Variants in C12orf60 observed in about 807,000 individuals in gnomAD.
C12orf60 encodes chromosome 12 open reading frame 60.
For missense variants in C12orf60, 284 were observed against 283.2 expected (o/e 1.00, Z -0.02); for synonymous variants, 102 against 94.6 (o/e 1.08, Z -0.45).
intron 1 of C12orf60, among the ~76,000 whole-genome samples, chr12:14,810,116 A>G (rs948779125): frequency 6.6e-6 from 1 of 152,224 alleles, no homozygotes; most frequent in Admixed American, 6.5e-5. Flanking sequence ...CTTATAATGA[A>G]AAAGGACTTT....
intron 1 of C12orf60, among the ~76,000 whole-genome samples, chr12:14,822,563 A>G (rs1370482571): frequency 6.6e-6 from 1 of 152,302 alleles, no homozygotes; most frequent in East Asian, 1.9e-4. Flanking sequence ...GAGCCCCTCT[A>G]TGTAATTTGT....
At chr12:14,810,959 A>G (rs941881338) in intron 1 of C12orf60, among the ~76,000 whole-genome samples, 1 of 152,236 alleles carries the variant, frequency 6.6e-6, no homozygotes, top group African/African-American at 2.4e-5. Context: ...AACAACCCAT[A>G]ATATTGTGCC....
intron 1 of C12orf60, chr12:14,814,201 A>G (rs1464511509): frequency 6.6e-6 from 1 of 152,074 alleles, no homozygotes; most frequent in Non-Finnish European, 1.5e-5. Flanking sequence ...ATCTGGTTTC[A>G]TCTGGATATT....
intron 1 of C12orf60, among the ~76,000 whole-genome samples, chr12:14,822,466 G>A (rs1950321763): frequency 1.3e-5 from 2 of 152,132 alleles, no homozygotes; most frequent in African/African-American, 2.4e-5. Context: ...ATCTGATAGT[G>A]ATTTTATATA....
Position 14,822,921 on chromosome 12 carries a change from T to A in C12orf60, c.-15T>A, listed in dbSNP as rs1950327947. ...CTGCTTTGCTTTGCAGTGTTGGAACTTATTTGTTGGAGAAATGTCTTCAGA... is the reference window on the plus strand; with the variant it reads ...CTGCTTTGCTTTGCAGTGTTGGAACATATTTGTTGGAGAAATGTCTTCAGA... On this transcript the variant is annotated 5_prime_UTR_variant, in exon 2 of 2. Transcript: ENST00000330828. 1.3e-6 allele frequency: 2 copies of A among 1,549,680 alleles called. No individual in the cohort carries two copies. The highest frequency in any genetic ancestry group is 2.8e-5 in the African/African-American group (2 of 72,426).
At position 14,810,160 on chromosome 12, in the gene C12orf60, T is replaced by C. The variant is rs199719804; in HGVS notation, c.-25+6409T>C. Among the ~76,000 whole-genome samples the C allele has an allele frequency of 4.6e-5, 7 of 152,338 alleles. No individual in the cohort carries two copies. In the East Asian group the frequency reaches 1.3e-3, roughly 29 times the overall value. ...GTCAGACTTACCTTCCTAGCTTTTT[T>C]CCTTGGGTGGGGAGTGGGGAGGGTT... On this transcript the variant is annotated intron_variant, in intron 1 of 1. Coordinates refer to ENST00000330828, the MANE Select transcript of C12orf60 (RefSeq NM_175874.4).
In C12orf60 at chr12:14,823,415, C is replaced by T. The variant is rs935999497; in HGVS notation, c.480C>T (p.Asp160=). 2 of 1,613,888 alleles carry T rather than the reference C, an allele frequency of 1.2e-6. No homozygotes were observed. Among genetic ancestry groups the T allele is most frequent in the African/African-American group, 2.7e-5 (2 of 74,912 alleles). The stretch of plus-strand genomic sequence containing the variant: ...AATTAAGTGACTTCTATACAGAAGA[C>T]ACCAAAGAGCAATCAGATGTCACCA... ...NLQLSDFYTE[D]TKEQSDVTTS... The change falls in exon 2 of 2, where the codon GAC becomes GAT. Residue 160 remains aspartate (D), a synonymous_variant. Coordinates refer to ENST00000330828, the MANE Select transcript of C12orf60 (RefSeq NM_175874.4).
At chr12:14,809,459 T>G (rs1331231385) in intron 1 of C12orf60, among the ~76,000 whole-genome samples, 1 of 152,166 alleles carries the variant, frequency 6.6e-6, no homozygotes, top group Non-Finnish European at 1.5e-5. Flanking sequence ...CAAGAGTCAG[T>G]GAATTAATGG....
chr12:14,811,014 T>C (rs1018731938), intron 1 of C12orf60, among the ~76,000 whole-genome samples: 2 of 152,254 alleles, frequency 1.3e-5, no homozygotes, highest in Non-Finnish European at 2.9e-5. Context: ...TTATTCCATT[T>C]TCATTGATGA....
intron 1 of C12orf60, among the ~76,000 whole-genome samples, chr12:14,810,721 C>G (rs1477994999): frequency 6.6e-6 from 1 of 152,060 alleles, no homozygotes; most frequent in African/African-American, 2.4e-5. Flanking sequence ...AATTTGTAAC[C>G]TTTCAAGTAT....
chr12:14,822,317 G>GACA (rs746917116), intron 1 of C12orf60, among the ~76,000 whole-genome samples: 4,628 of 149,910 alleles, frequency 0.031, 199 homozygotes, highest in African/African-American at 0.1. Context: ...GAAGACAAAC[G>GACA]ACAACAACAA....
chr12:14,818,896 G>A (rs1030653839), intron 1 of C12orf60, among the ~76,000 whole-genome samples: 18 of 151,958 alleles, frequency 1.2e-4, no homozygotes, highest in African/African-American at 4.4e-4. Flanking sequence ...CAATTACTGT[G>A]GTATATCTTA....
intron 1 of C12orf60, among the ~76,000 whole-genome samples, chr12:14,813,821 A>G (rs1330001559): frequency 6.6e-6 from 1 of 152,210 alleles, no homozygotes; most frequent in Non-Finnish European, 1.5e-5. Flanking sequence ...ACATTCACAC[A>G]GGTATCATTT....
intron 1 of C12orf60, among the ~76,000 whole-genome samples, chr12:14,817,400 G>A (rs778700938): frequency 1.3e-5 from 2 of 152,092 alleles, no homozygotes; most frequent in African/African-American, 2.4e-5. Flanking sequence ...TGTGCAGAAT[G>A]TGCAGGTTTG....
chr12:14,816,396 C>T (rs144761062), intron 1 of C12orf60, among the ~76,000 whole-genome samples: 26 of 152,092 alleles, frequency 1.7e-4, no homozygotes, highest in Non-Finnish European at 2.4e-4. Context: ...ATAAACTGCC[C>T]GATTCAATTA....
chr12:14,810,792 G>A (rs1950124200), intron 1 of C12orf60, among the ~76,000 whole-genome samples: 2 of 152,138 alleles, frequency 1.3e-5, no homozygotes, highest in Admixed American at 1.3e-4. Flanking sequence ...ACCATAGTTG[G>A]CAGTGTGCAG....
intron 1 of C12orf60, among the ~76,000 whole-genome samples, chr12:14,815,005 G>T (rs2137273753): frequency 6.6e-6 from 1 of 152,302 alleles, no homozygotes; most frequent in South Asian, 2.1e-4. Context: ...ATAATTTATG[G>T]ATTAAATGGG....
chr12:14,805,328 C>G (rs1272671752), intron 1 of C12orf60: 2 of 152,170 alleles, frequency 1.3e-5, no homozygotes, highest in African/African-American at 2.4e-5. Context: ...CACAGTTGGT[C>G]AGGGTTGATT....
chr12:14,819,710 T>C (rs1227546359), intron 1 of C12orf60, among the ~76,000 whole-genome samples: 1 of 152,140 alleles, frequency 6.6e-6, no homozygotes, highest in Non-Finnish European at 1.5e-5. Flanking sequence ...TTATTATTAA[T>C]GGATATTGAA....
Sources: allele counts gnomAD v4.1 joint callset (sites outside exome capture counted in the v4.1 genomes callset), GRCh38; gene constraint gnomAD v4.1.1; transcripts MANE v1.5; gene names NCBI Gene and HGNC (gene_info 2026-07-23, HGNC 2026-07-21).